The following MAP3K5 variants were observed in gnomAD, a reference collection of about 807,000 sequenced individuals.
The protein encoded by MAP3K5 is ASK-1.
Under a neutral mutation model 158.7 loss-of-function variants are expected in MAP3K5, and 56 were observed. The ratio of observed to expected loss-of-function variants is 0.35; its 90% CI spans 0.28 to 0.44. MAP3K5 has a LOEUF of 0.44. MAP3K5 is among the 20% of genes least tolerant of loss of function. MAP3K5 has a pLI of 1.00. For synonymous variants in MAP3K5, 579 were observed against 601.7 expected, an observed-to-expected ratio of 0.96 and a Z score of 0.55; for missense variants, 1,294 against 1,674.8, an observed-to-expected ratio of 0.77 and a Z score of 3.97.
Position 136,605,202 on chromosome 6 carries a change from G to T in MAP3K5, c.2679+7C>A, listed in dbSNP as rs772867146. The T allele has an allele frequency of 1.9e-6, 3 of 1,611,126 alleles. No individual in the cohort carries two copies. In the African/African-American group the frequency reaches 4.0e-5, roughly 22 times the overall value. ...TCCATTTGTTTTTAAGAGAAATGAA[G>T]TGTGACCTTGAACATAGCTGCTTGT... On this transcript the variant is annotated splice_region_variant and intron_variant, in intron 19 of 29. Coordinates refer to ENST00000359015, the MANE Select transcript of MAP3K5 (RefSeq NM_005923.4).
upstream of MAP3K5, chr6:136,792,496 G>A (rs191910450): frequency 3.5e-6 from 2 of 572,666 alleles, no homozygotes; most frequent in Non-Finnish European, 4.4e-6. The surrounding 1 kb of genome is among the most constrained non-coding windows in gnomAD (Gnocchi z 5.7). Context: ...GCGCCGCGGT[G>A]CAGCTCAAGG....
chr6:136,646,437 C>T (rs1004760065), intron 11 of MAP3K5, among the ~76,000 whole-genome samples: 1 of 152,198 alleles, frequency 6.6e-6, no homozygotes, highest in Non-Finnish European at 1.5e-5. Flanking sequence ...AAAGAACCTC[C>T]AGGAAGGAGA....
intron 3 of MAP3K5, among the ~76,000 whole-genome samples, chr6:136,704,189 T>C (rs1562629075): frequency 6.6e-6 from 1 of 152,168 alleles, no homozygotes; most frequent in Non-Finnish European, 1.5e-5. Flanking sequence ...AAGTAGAAAA[T>C]AGATAAAGAT....
intron 21 of MAP3K5, among the ~76,000 whole-genome samples, chr6:136,593,085 GGTTCCAAT>G (rs1775467273): frequency 6.6e-6 from 1 of 152,188 alleles, no homozygotes; most frequent in Non-Finnish European, 1.5e-5. Flanking sequence ...CTAGACCACA[GGTTCCAAT>G]CCTGTTATAC....
intron 7 of MAP3K5, among the ~76,000 whole-genome samples, chr6:136,673,186 A>G (rs2114547138): frequency 6.6e-6 from 1 of 152,236 alleles, no homozygotes; most frequent in East Asian, 1.9e-4. Context: ...ATAAAACAGA[A>G]ACAGATAAGG....
chr6:136,618,473 T>C (rs185513219), intron 15 of MAP3K5, among the ~76,000 whole-genome samples: 38 of 152,364 alleles, frequency 2.5e-4, no homozygotes, highest in Admixed American at 9.8e-4. Context: ...TGTGTGTGTA[T>C]AGTAGCATTT....
intron 3 of MAP3K5, among the ~76,000 whole-genome samples, chr6:136,701,008 G>T (rs1317281868): frequency 1.3e-5 from 2 of 152,220 alleles, no homozygotes; most frequent in Non-Finnish European, 2.9e-5. Context: ...GTGTGCCAGG[G>T]TATGAACAGT....
chr6:136,631,155 T>C (rs1777332067), intron 14 of MAP3K5, among the ~76,000 whole-genome samples: 1 of 152,216 alleles, frequency 6.6e-6, no homozygotes, highest in Non-Finnish European at 1.5e-5. Flanking sequence ...AACTTGTCTT[T>C]TGTCAGTTAA....
chr6:136,595,637 A>C (rs1248074339), intron 21 of MAP3K5, among the ~76,000 whole-genome samples: 1 of 152,236 alleles, frequency 6.6e-6, no homozygotes, highest in East Asian at 1.9e-4. Context: ...TTATATTCTA[A>C]GATGAGAAAT....
chr6:136,650,480 G>A (rs753398274), intron 11 of MAP3K5, among the ~76,000 whole-genome samples: 2 of 152,206 alleles, frequency 1.3e-5, no homozygotes, highest in Admixed American at 6.5e-5. Context: ...ATAGGTGGTC[G>A]CACAGCCCAC....
chr6:136,600,261 G>A (rs1438059728), intron 21 of MAP3K5, among the ~76,000 whole-genome samples: 1 of 150,088 alleles, frequency 6.7e-6, no homozygotes, highest in African/African-American at 2.5e-5. Context: ...TATAATCACG[G>A]CTCACTACAA....
Position 136,592,526 on chromosome 6 carries a change from C to CTCA in MAP3K5, c.2966_2967insTGA (p.Glu990dup). ...AAGAGAAGGGGTCCACTTTCAACTC[C>CTCA]GTGTCGGGTGAAACTGAGCCGTACT... On this transcript the variant is annotated inframe_insertion, in exon 22 of 30. Transcript: ENST00000359015. 1 of 1,611,774 alleles carries CTCA rather than the reference C, an allele frequency of 6.2e-7. No homozygotes were observed. The highest frequency in any genetic ancestry group is 8.5e-7 in the Non-Finnish European group (1 of 1,178,022).
rs1783922694 is a variant in MAP3K5 at position 136,765,481 on chromosome 6, T to C, written c.448+26229A>G. Among the ~76,000 whole-genome samples the C allele has an allele frequency of 2.6e-5, 4 of 151,784 alleles. No individual in the cohort carries two copies. In the South Asian group the frequency reaches 8.3e-4, roughly 32 times the overall value. On this transcript the variant is annotated intron_variant, in intron 1 of 29. Coordinates refer to ENST00000359015, the MANE Select transcript of MAP3K5 (RefSeq NM_005923.4). ...GCAGCTAATTTAACTTATTTATGTATTTATTTTTTATTTGTTTATTTTTAT... is the reference window on the plus strand; with the variant it reads ...GCAGCTAATTTAACTTATTTATGTACTTATTTTTTATTTGTTTATTTTTAT...
chr6:136,793,090 T>C (rs893407347), upstream of MAP3K5, among the ~76,000 whole-genome samples: 1 of 152,172 alleles, frequency 6.6e-6, no homozygotes, highest in Admixed American at 6.5e-5. Context: ...GAGGCAATAC[T>C]CGGTCTTCGG....
intron 1 of MAP3K5, among the ~76,000 whole-genome samples, chr6:136,759,454 C>CTACATATATATA (rs1554314852): frequency 1.8e-4 from 18 of 98,116 alleles, no homozygotes; most frequent in Admixed American, 1.3e-3. Context: ...TATACTAAAA[C>CTACATATATATA]TATATATATA....
chr6:136,671,771 G>A (rs1779493941), intron 7 of MAP3K5, among the ~76,000 whole-genome samples: 1 of 151,690 alleles, frequency 6.6e-6, no homozygotes, highest in African/African-American at 2.4e-5. Context: ...GCACCACCAT[G>A]CCCGAATAAT....
chr6:136,751,229 C>A (rs1783195511), intron 1 of MAP3K5, among the ~76,000 whole-genome samples: 1 of 151,502 alleles, frequency 6.6e-6, no homozygotes, highest in African/African-American at 2.4e-5. Flanking sequence ...CTGAACCTTC[C>A]CACACATGTT....
intron 28 of MAP3K5, among the ~76,000 whole-genome samples, chr6:136,560,523 A>C (rs548370131): frequency 9.8e-5 from 15 of 152,346 alleles, no homozygotes; most frequent in Middle Eastern, 3.4e-3. Context: ...GAGAGGAATT[A>C]GATTATTACA....
chr6:136,756,288 A>G (rs543055591), intron 1 of MAP3K5, among the ~76,000 whole-genome samples: 2 of 152,320 alleles, frequency 1.3e-5, no homozygotes, highest in South Asian at 4.2e-4. Context: ...TCTGCACTCC[A>G]AACTGCATGA....
Sources: gnomAD v4.1 joint callset for allele counts (sites outside exome capture counted in the v4.1 genomes callset) on GRCh38, gnomAD v4.1.1 for gene constraint, Gnocchi (gnomAD v3.1) non-coding constraint, MANE v1.5 for transcripts, NCBI Gene and HGNC (gene_info 2026-07-23, HGNC 2026-07-21) for gene names.